Variants in CROCC observed in about 807,000 individuals in gnomAD.
The protein encoded by CROCC is rootletin.
A neutral mutation model predicts 245.2 loss-of-function variants in CROCC; 180 were observed. The observed-to-expected ratio is 0.73, with a 90% CI of 0.65 to 0.83. The LOEUF (loss-of-function observed/expected upper bound fraction) is 0.83. Ranked by LOEUF, CROCC falls within the 40% of genes least tolerant of loss-of-function variation. The pLI, the probability that CROCC is intolerant of heterozygous loss-of-function variation, is 0.00. For synonymous variants in CROCC, 1,205 were observed against 1,241.6 expected (o/e 0.97, Z 0.62); for missense variants, 2,688 against 2,779.4 (o/e 0.97, Z 0.74).
chr1:16,963,185 G>GAAA (rs56708042), intron 27 of CROCC, among the ~76,000 whole-genome samples: 3 of 105,884 alleles, frequency 2.8e-5, no homozygotes, highest in Non-Finnish European at 5.9e-5. Context: ...CTCCGTCTCA[G>GAAA]AAAAAAAAAA....
chr1:16,938,677 C>T (rs2075846848), intron 11 of CROCC, among the ~76,000 whole-genome samples, 194 bp downstream of exon 11: 1 of 152,286 alleles, frequency 6.6e-6, no homozygotes, highest in Non-Finnish European at 1.5e-5. Flanking sequence ...GGAGGCACGA[C>T]CCTTTGGGAG....
chr1:16,925,792 G>C (rs1455846171), intron 3 of CROCC, among the ~76,000 whole-genome samples: 2 of 152,398 alleles, frequency 1.3e-5, no homozygotes, highest in East Asian at 3.9e-4. Flanking sequence ...GAGCAGAGTA[G>C]GCGGCCCGCA....
Position 16,939,040 on chromosome 1 carries a change from C to T in CROCC, c.1506C>T (p.Gly502=), listed in dbSNP as rs1163771378. The T allele has an allele frequency of 1.3e-6, 2 of 1,592,838 alleles. No homozygotes were observed. Among genetic ancestry groups the T allele is most frequent in the Non-Finnish European group, 1.7e-6 (2 of 1,173,112 alleles). The change falls in exon 12 of 37, where the codon GGC becomes GGT. Residue 502 remains glycine, a synonymous_variant. Coordinates refer to ENST00000375541, the MANE Select transcript of CROCC (RefSeq NM_014675.5). ...CCCCACCGCGGCGCTCCTCGCCCGG[C>T]CGAGGCCGTTCACCCCGCCGAGGCC... ...TPSPPRRSSP[G]RGRSPRRGPS... is the part of the protein sequence containing the mutation.
rs760909997 is a variant in CROCC at position 16,946,417 on chromosome 1, A to C, written c.2283+12A>C. ...GCCTTGTCGCCCAGGTACGCTGTGC[A>C]CCTGCGGGCCCACCTGCCTTGCCCA... On this transcript the variant is annotated intron_variant, in intron 16 of 36. Coordinates refer to ENST00000375541, the MANE Select transcript of CROCC (RefSeq NM_014675.5). 3.7e-6 allele frequency: 6 copies of C among 1,606,878 alleles called. No homozygotes were observed. The highest frequency in any genetic ancestry group is 2.2e-5 in the South Asian group (2 of 90,442).
intron 8 of CROCC, among the ~76,000 whole-genome samples, chr1:16,935,199 C>T (rs1350667921): frequency 6.6e-6 from 1 of 152,246 alleles, no homozygotes; most frequent in Non-Finnish European, 1.5e-5. Flanking sequence ...CACGCCTGGC[C>T]TATCAGTTTC....
chr1:16,968,326 G>C lies in CROCC; in HGVS notation c.4984G>C (p.Glu1662Gln), dbSNP rs1274794718. ...GCTGGAGCTGCAGCGGCGCTCGCTT[G>C]AGGGGGAGCTGCAGCGCAGCCGCCT... ...VKLELQRRSL[E>Q]GELQRSRLGL... is the part of the protein sequence containing the mutation. The change falls in exon 31 of 37, where the codon GAG becomes CAG. Residue 1662 changes from glutamate to glutamine, a missense_variant. Around this residue, in one of 9 missense-constraint regions of CROCC, gnomAD observed 1,218 missense variants for 1,286.3 expected, o/e 0.95. Coordinates refer to ENST00000375541, the MANE Select transcript of CROCC (RefSeq NM_014675.5). 6.5e-7 allele frequency: 1 copy of C among 1,548,708 alleles called. No individual in the cohort carries two copies. The highest frequency in any genetic ancestry group is 1.2e-5 in the South Asian group (1 of 83,954).
At chr1:16,945,256 G>GTAA (rs1352105866) in intron 14 of CROCC, among the ~76,000 whole-genome samples, 1 of 152,282 alleles carries the variant, frequency 6.6e-6, no homozygotes, top group African/African-American at 2.4e-5. Flanking sequence ...ATGTCACGAG[G>GTAA]TAAGTGTTAC....
intron 13 of CROCC, chr1:16,940,812 G>C (rs1042801516): frequency 3.4e-5 from 12 of 351,210 alleles, no homozygotes; most frequent in Non-Finnish European, 5.8e-6. Context: ...CTGTAACCTG[G>C]AACTCCCAGA....
At position 16,924,476 on chromosome 1, in the gene CROCC, G is replaced by C. The variant is rs1330878781; in HGVS notation, c.348G>C (p.Glu116Asp). Residue 116 changes from glutamate to aspartate, a missense_variant, in exon 3 of 37, where the codon GAG (glutamate) becomes GAC (aspartate). Glu to Asp is a conservative substitution (Grantham distance 45, BLOSUM62 2). Coordinates refer to ENST00000375541, the MANE Select transcript of CROCC (RefSeq NM_014675.5). ...CCATTAAGTACAATGCGGTCAGCGA[G>C]AGGGTGGGTGCCGCCCAGGTGGTGG... Reference protein sequence around the residue: ...ELAIKYNAVSERLEQALRLEP... With the variant: ...ELAIKYNAVSDRLEQALRLEP... 1 of 1,611,542 alleles carries C rather than the reference G, an allele frequency of 6.2e-7. No individual in the cohort carries two copies. The highest frequency in any genetic ancestry group is 1.3e-5 in the African/African-American group (1 of 74,930).
chr1:16,930,232 C>G (rs757482405), intron 5 of CROCC, 25 bp downstream of exon 5: 1 of 1,586,018 alleles, frequency 6.3e-7, no homozygotes, highest in African/African-American at 1.3e-5. Flanking sequence ...GGGGCAGGGG[C>G]AGGCCCTGCC....
intron 18 of CROCC, 92 bp downstream of exon 18, chr1:16,948,616 A>T: frequency 2.0e-6 from 3 of 1,479,174 alleles, no homozygotes; most frequent in South Asian, 2.8e-5. Flanking sequence ...CCCCAGGGGC[A>T]GTTACTAAGG....
intron 8 of CROCC, 128 bp downstream of exon 8, chr1:16,931,525 G>A (rs1290137550): frequency 1.2e-6 from 1 of 827,496 alleles, no homozygotes; most frequent in African/African-American, 1.6e-5. Flanking sequence ...AGGACACAGA[G>A]GCAACTTGTA....
chr1:16,927,523 C>T (rs534850852), intron 3 of CROCC, among the ~76,000 whole-genome samples: 3 of 152,388 alleles, frequency 2.0e-5, no homozygotes, highest in Admixed American at 6.5e-5. Flanking sequence ...GCCCAACACC[C>T]GCGCCACAAC....
rs558401970 is a variant in CROCC, at chr1:16,914,848, G to A, written n.126-15438G>A. On this transcript the variant is annotated intron_variant and non_coding_transcript_variant, in intron 1 of 8. Transcript: ENST00000466256. Reference sequence around the variant, plus strand: ...CAGGTCACAGCTCCCTTGGGAAGACGATTGACTGGGGAATGGGGACCCTGG... The same window carrying A: ...CAGGTCACAGCTCCCTTGGGAAGACAATTGACTGGGGAATGGGGACCCTGG... 2.0e-5 allele frequency among the ~76,000 whole-genome samples: 3 copies of A among 152,400 alleles called. No homozygotes were observed. The South Asian group carries it at 6.2e-4, about 32-fold the overall frequency.
At chr1:16,924,104 C>T (rs546245295) in intron 2 of CROCC, among the ~76,000 whole-genome samples, 1 of 152,414 alleles carries the variant, frequency 6.6e-6, no homozygotes, top group South Asian at 2.1e-4. Context: ...CCCAAACCTG[C>T]TGGGCCACAC....
intron 3 of CROCC, among the ~76,000 whole-genome samples, chr1:16,925,843 A>G (rs1466974988): frequency 6.6e-6 from 1 of 152,218 alleles, no homozygotes; most frequent in African/African-American, 2.4e-5. Flanking sequence ...TCGTTTCCCC[A>G]GGGTCTGCAG....
At chr1:16,936,960 T>C in intron 9 of CROCC, 87 bp downstream of exon 9, 3 of 1,349,804 alleles carry the variant, frequency 2.2e-6, no homozygotes, top group Non-Finnish European at 3.1e-6. Flanking sequence ...ATCTGTTCAC[T>C]AGGGGAAGGG....
chr1:16,921,985 A>G lies in CROCC; in HGVS notation c.-34A>G, dbSNP rs184446252. The G allele has an allele frequency of 1.6e-4, 241 of 1,538,698 alleles. No homozygotes were observed. The East Asian group carries it at 3.5e-3, about 22-fold the overall frequency. On this transcript the variant is annotated 5_prime_UTR_variant, in exon 1 of 37. Transcript: ENST00000375541. ...TGAGCTAGTCTTGGGGTCCTGGAGA[A>G]GGGGGCTGGAGGCATGCCCACAGCC...
At chr1:16,940,818 C>A (rs1174228314) in intron 13 of CROCC, 2 of 361,704 alleles carry the variant, frequency 5.5e-6, no homozygotes, top group Non-Finnish European at 1.1e-5. Flanking sequence ...CCTGGAACTC[C>A]CAGACTCAAG....
Sources: gnomAD v4.1 joint callset for allele counts (sites outside exome capture counted in the v4.1 genomes callset) on GRCh38, gnomAD v4.1.1 for gene constraint, gnomAD v4.1.1 regional missense constraint, MANE v1.5 for transcripts, NCBI Gene and HGNC (gene_info 2026-07-23, HGNC 2026-07-21) for gene names.